KCNIP3: variants seen among roughly 807,000 people sequenced by gnomAD.
KCNIP3 encodes calsenilin.
In KCNIP3, 28 loss-of-function variants were observed where a neutral mutation model predicts 35.0. The ratio of observed to expected loss-of-function variants is 0.80; its 90% CI spans 0.59 to 1.10. The LOEUF (loss-of-function observed/expected upper bound fraction) is 1.10. KCNIP3 is among the 50% of genes least tolerant of loss of function. KCNIP3 has a pLI of 0.00. For synonymous variants in KCNIP3, 134 were observed against 133.8 expected (o/e 1.00, Z -0.01); for missense variants, 295 against 338.4 (o/e 0.87, Z 1.01).
chr2:95,347,204 G>C, intron 2 of KCNIP3: 1 of 1,258,088 alleles, frequency 7.9e-7, no homozygotes. Context: ...CGCACGCCGG[G>C]GTGCACTGGT....
At chr2:95,370,251 C>T (rs1558776835) in intron 2 of KCNIP3, among the ~76,000 whole-genome samples, 2 of 152,180 alleles carry the variant, frequency 1.3e-5, no homozygotes, top group African/African-American at 4.8e-5. Flanking sequence ...TAAATGCTAA[C>T]AAATTTTGGT....
intron 8 of KCNIP3, 140 bp from the exon 9 acceptor site, chr2:95,383,862 T>A: frequency 2.7e-6 from 2 of 751,488 alleles, no homozygotes; most frequent in Non-Finnish European, 4.7e-6. Flanking sequence ...CACCTCCCTG[T>A]CCCCCAGCTC....
intron 2 of KCNIP3, among the ~76,000 whole-genome samples, chr2:95,323,491 C>G (rs943114576): frequency 1.3e-5 from 2 of 152,162 alleles, no homozygotes; most frequent in African/African-American, 2.4e-5. Context: ...CTGGCCACCC[C>G]TCCAGGAAAG....
chr2:95,328,899 G>T (rs572275189), intron 2 of KCNIP3, among the ~76,000 whole-genome samples: 10 of 152,340 alleles, frequency 6.6e-5, no homozygotes, highest in African/African-American at 2.2e-4. Context: ...CCTCAGGAAT[G>T]CAGGCTGCTG....
chr2:95,361,780 AGGCACTGTTC>A (rs1679805226), intron 2 of KCNIP3, among the ~76,000 whole-genome samples: 1 of 152,176 alleles, frequency 6.6e-6, no homozygotes, highest in Non-Finnish European at 1.5e-5. Flanking sequence ...TCCCATGCAC[AGGCACTGTTC>A]CAGGGCTGGG....
intron 2 of KCNIP3, among the ~76,000 whole-genome samples, chr2:95,347,850 G>A (rs1245525894): frequency 6.6e-6 from 1 of 152,210 alleles, no homozygotes; most frequent in East Asian, 1.9e-4. Context: ...CCGAGGACAT[G>A]GGCATCCTGC....
At chr2:95,316,253 C>T (rs1456631661) in intron 2 of KCNIP3, among the ~76,000 whole-genome samples, 4 of 152,250 alleles carry the variant, frequency 2.6e-5, no homozygotes, top group Admixed American at 6.5e-5. Flanking sequence ...TTGGCCTGCA[C>T]CTGCGGAACA....
At chr2:95,302,122 A>G (rs1678050054) in intron 1 of KCNIP3, among the ~76,000 whole-genome samples, 1 of 152,002 alleles carries the variant, frequency 6.6e-6, no homozygotes, top group Non-Finnish European at 1.5e-5. Flanking sequence ...CGAGTGATGG[A>G]AATAGAGCCA....
intron 2 of KCNIP3, among the ~76,000 whole-genome samples, chr2:95,362,160 G>A (rs559379003): frequency 3.8e-4 from 57 of 151,040 alleles, no homozygotes; most frequent in Middle Eastern, 3.4e-3. Flanking sequence ...AGGCTGGAGC[G>A]CAGTGGTGTG....
Position 95,385,963 on chromosome 2 carries a change from A to G in KCNIP3, c.*1914A>G, listed in dbSNP as rs946671317. On this transcript the variant is annotated 3_prime_UTR_variant, in exon 9 of 9. Coordinates refer to ENST00000295225, the MANE Select transcript of KCNIP3 (RefSeq NM_013434.5). ...CCACGCTGGGACACAGACCGGCCGC[A>G]TGTCTGCATGGCAGAAGCGTCTCCC... 6.6e-6 allele frequency: 1 copy of G among 152,422 alleles called. No homozygotes were observed. Among genetic ancestry groups the G allele is most frequent in the Non-Finnish European group, 1.5e-5 (1 of 68,102 alleles). The allele number at this position is 152,422 out of a possible 1,614,324, so 9.4% of individuals were successfully genotyped here.
At chr2:95,364,650 T>C (rs1679877637) in intron 2 of KCNIP3, among the ~76,000 whole-genome samples, 1 of 152,136 alleles carries the variant, frequency 6.6e-6, no homozygotes, top group Admixed American at 6.5e-5. Context: ...ACAATTTATA[T>C]AATACATTAA....
intron 2 of KCNIP3, among the ~76,000 whole-genome samples, chr2:95,357,110 G>A (rs1030873514): frequency 6.6e-6 from 1 of 152,194 alleles, no homozygotes; most frequent in Non-Finnish European, 1.5e-5. Flanking sequence ...CCCTCCCCAG[G>A]TCAGCGGCTC....
chr2:95,331,399 T>C (rs1363287959), intron 2 of KCNIP3, among the ~76,000 whole-genome samples: 4 of 152,118 alleles, frequency 2.6e-5, no homozygotes, highest in Admixed American at 1.3e-4. Flanking sequence ...TGGTAGCATT[T>C]CAAGTCTGAG....
At chr2:95,366,791 C>G (rs545931689) in intron 2 of KCNIP3, among the ~76,000 whole-genome samples, 1 of 152,204 alleles carries the variant, frequency 6.6e-6, no homozygotes, top group African/African-American at 2.4e-5. Flanking sequence ...TGATGCTAAT[C>G]CTCTTTCTTG....
chr2:95,359,489 C>G (rs559702334), intron 2 of KCNIP3, among the ~76,000 whole-genome samples: 54 of 152,358 alleles, frequency 3.5e-4, no homozygotes, highest in African/African-American at 1.3e-3. Flanking sequence ...CACCCCCACC[C>G]CCATGGCTTT....
In KCNIP3 at chr2:95,324,412, G is replaced by A. The variant is rs1457829093; in HGVS notation, c.181+13892G>A. Among the ~76,000 whole-genome samples the A allele has an allele frequency of 2.0e-5, 3 of 151,944 alleles. 1 individual carries two copies. Among genetic ancestry groups the A allele is most frequent in the Non-Finnish European group, 4.4e-5 (3 of 67,956 alleles). On this transcript the variant is annotated intron_variant, in intron 2 of 8. Coordinates refer to ENST00000295225, the MANE Select transcript of KCNIP3 (RefSeq NM_013434.5). The stretch of plus-strand genomic sequence containing the variant: ...GCCTGTAGTCACAGCTACTCCAGAG[G>A]CTGAGGCAGGAGAATGGCGTGGGCC...
intron 2 of KCNIP3, among the ~76,000 whole-genome samples, chr2:95,363,445 T>C (rs567311481): frequency 6.6e-6 from 1 of 152,374 alleles, no homozygotes; most frequent in Admixed American, 6.5e-5. Context: ...GGTCTGTTTG[T>C]TGGTACGTTT....
intron 1 of KCNIP3, among the ~76,000 whole-genome samples, chr2:95,306,931 CAGATA>C (rs1331726857): frequency 6.6e-6 from 1 of 152,224 alleles, no homozygotes; most frequent in Non-Finnish European, 1.5e-5. Flanking sequence ...AGACAAGTGT[CAGATA>C]TTCATGAGGA....
intron 2 of KCNIP3, chr2:95,347,250 G>T: frequency 1.3e-6 from 1 of 754,740 alleles, no homozygotes; most frequent in Non-Finnish European, 2.2e-6. Flanking sequence ...GCCCCCTCCC[G>T]GCTCCGGAGG....
Sources: allele counts gnomAD v4.1 joint callset (sites outside exome capture counted in the v4.1 genomes callset), GRCh38; gene constraint gnomAD v4.1.1; transcripts MANE v1.5; gene names NCBI Gene and HGNC (gene_info 2026-07-23, HGNC 2026-07-21).